KDM5A: variants seen among roughly 807,000 people sequenced by gnomAD.
KDM5A encodes the protein lysine-specific demethylase 5A.
KDM5A carries 42 observed loss-of-function variants against 193.5 expected under a neutral mutation model. That is an observed-to-expected ratio of 0.22 (90% CI 0.17 to 0.28). The LOEUF is 0.28. Ranked by LOEUF, KDM5A falls within the 10% of genes least tolerant of loss-of-function variation. The pLI is 1.00. For missense variants in KDM5A, 1,692 were observed against 2,055.1 expected (o/e 0.82, Z 3.42); for synonymous variants, 796 against 718.1 (o/e 1.11, Z -1.73).
intron 14 of KDM5A, among the ~76,000 whole-genome samples, chr12:325,648 C>T (rs960498609): frequency 1.3e-5 from 2 of 152,064 alleles, no homozygotes; most frequent in Middle Eastern, 3.4e-3. Context: ...CACTCCAACT[C>T]GGGCAACAGA....
intron 20 of KDM5A, among the ~76,000 whole-genome samples, chr12:312,537 A>T (rs981723981): frequency 6.6e-6 from 1 of 152,266 alleles, no homozygotes. Context: ...CAAGGAGTCA[A>T]TAAAAACAAG....
At chr12:342,590 G>A (rs560237163) in intron 10 of KDM5A, among the ~76,000 whole-genome samples, 78 of 152,106 alleles carry the variant, frequency 5.1e-4, no homozygotes, top group African/African-American at 1.6e-3. Flanking sequence ...CTCCAGAGTA[G>A]CTGGGATTAC....
intron 3 of KDM5A, among the ~76,000 whole-genome samples, chr12:383,820 C>T (rs530575149): frequency 6.6e-6 from 1 of 152,000 alleles, no homozygotes; most frequent in South Asian, 2.1e-4. Flanking sequence ...GCGATCTCAG[C>T]TCACCACAAC....
intron 20 of KDM5A, 39 bp from the exon 21 acceptor site, chr12:311,103 T>C: frequency 6.2e-7 from 1 of 1,602,264 alleles, no homozygotes. Context: ...TTGAGTTCTC[T>C]TATGGGGTTT....
chr12:356,385 A>G (rs1268742821), intron 6 of KDM5A, 47 bp downstream of exon 6: 2 of 1,166,512 alleles, frequency 1.7e-6, no homozygotes, highest in Admixed American at 1.7e-5. Context: ...TTTTTTTACA[A>G]TCATATTCTA....
chr12:362,298 A>G (rs1440821341), intron 5 of KDM5A, among the ~76,000 whole-genome samples: 1 of 152,152 alleles, frequency 6.6e-6, no homozygotes, highest in East Asian at 1.9e-4. Flanking sequence ...GAAAAAAAAG[A>G]AAAGAAAGAA....
Position 333,575 on chromosome 12 carries a change from G to A in KDM5A, c.1565C>T (p.Ala522Val), listed in dbSNP as rs746056947. 3 of 1,614,064 alleles carry A rather than the reference G, an allele frequency of 1.9e-6. No individual in the cohort carries two copies. Among genetic ancestry groups the A allele is most frequent in the East Asian group, 4.5e-5 (2 of 44,874 alleles). Reference protein sequence around the residue: ...EQLEEVMRELAPELFESQPDL... With the variant: ...EQLEEVMRELVPELFESQPDL... ...AGGCTGGGATTCAAATAACTCGGGG[G>A]CCAGCTCTCTCATCACCTCCTCCAG... The change falls in exon 12 of 28, where the codon GCC becomes GTC. Residue 522 changes from alanine (A) to valine (V), a missense_variant. Around this residue, in one of 11 missense-constraint regions of KDM5A, gnomAD observed 172 missense variants for 260.3 expected, o/e 0.66. Coordinates refer to ENST00000399788, the MANE Select transcript of KDM5A (RefSeq NM_001042603.3).
At chr12:360,390 G>T (rs553875529) in intron 5 of KDM5A, among the ~76,000 whole-genome samples, 1 of 152,186 alleles carries the variant, frequency 6.6e-6, no homozygotes, top group East Asian at 1.9e-4. Context: ...ACAAAATAAA[G>T]GGAAGAGAAA....
At chr12:329,167 T>C in intron 13 of KDM5A, 138 bp from the exon 14 acceptor site, 1 of 741,914 alleles carries the variant, frequency 1.3e-6, no homozygotes, top group Admixed American at 2.1e-5. Flanking sequence ...GAGGCAATAT[T>C]CTATTAACTG....
At position 384,517 on chromosome 12, in the gene KDM5A, G is replaced by T. The variant is rs181733088; in HGVS notation, c.244-364C>A. Among the ~76,000 whole-genome samples, 3 of 152,270 alleles carry T rather than the reference G, an allele frequency of 2.0e-5. No individual in the cohort carries two copies. In the East Asian group the frequency reaches 5.8e-4, roughly 29 times the overall value. On this transcript the variant is annotated intron_variant, in intron 2 of 27. Transcript: ENST00000399788. Reference sequence around the variant, plus strand: ...GGTGCCAAAAAGGTTTGGGACAGCTGTAATAGAGGTACTCATTTCTCTAAA... The same window carrying T: ...GGTGCCAAAAAGGTTTGGGACAGCTTTAATAGAGGTACTCATTTCTCTAAA...
intron 22 of KDM5A, among the ~76,000 whole-genome samples, chr12:309,518 A>G (rs1943554098): frequency 6.6e-6 from 1 of 152,254 alleles, no homozygotes; most frequent in Admixed American, 6.5e-5. Context: ...GTGAGGACTT[A>G]CTGTACTCAG....
At chr12:329,164 T>C in intron 13 of KDM5A, 135 bp from the exon 14 acceptor site, 2 of 756,892 alleles carry the variant, frequency 2.6e-6, no homozygotes, top group Non-Finnish European at 4.5e-6. Flanking sequence ...AAAGAGGCAA[T>C]ATTCTATTAA....
At chr12:379,418 T>G (rs1944548190) in intron 3 of KDM5A, among the ~76,000 whole-genome samples, 2 of 152,120 alleles carry the variant, frequency 1.3e-5, no homozygotes, top group South Asian at 4.2e-4. Flanking sequence ...CCCACTAGAG[T>G]GCTATAAAAA....
chr12:364,779 C>CAAAAA (rs61342800), intron 4 of KDM5A, among the ~76,000 whole-genome samples: 8 of 111,286 alleles, frequency 7.2e-5, no homozygotes, highest in Admixed American at 1.0e-4. Flanking sequence ...AGTCTCATCT[C>CAAAAA]AAAAAAAAAA....
chr12:293,254 G>T, intron 26 of KDM5A, 85 bp from the exon 27 acceptor site: 1 of 1,150,184 alleles, frequency 8.7e-7, no homozygotes, highest in Non-Finnish European at 1.2e-6. Flanking sequence ...ACCTAGAATA[G>T]ACACATTCGG....
At chr12:304,446 CTT>C (rs67930424) in intron 24 of KDM5A, among the ~76,000 whole-genome samples, 7,158 of 112,476 alleles carry the variant, frequency 0.064, 429 homozygotes, top group East Asian at 0.3. Context: ...AGAGTATAGG[CTT>C]TTTTTTTTTT....
Position 297,099 on chromosome 12 carries a change from T to C in KDM5A, c.4176A>G (p.Thr1392=). 6.2e-7 allele frequency: 1 copy of C among 1,614,090 alleles called. No homozygotes were observed. The highest frequency in any genetic ancestry group is 8.5e-7 in the Non-Finnish European group (1 of 1,180,014). Residue 1392 remains threonine (T), a synonymous_variant, in exon 25 of 28, where the codon ACA becomes ACG. Transcript: ENST00000399788. ...CATGCTCTGCACAAAATGAAGGTGC[T>C]GTCCACATGTGGGTCACCACCTCCT... The part of the protein sequence containing the change: ...KSEEVVTHMW[T]APSFCAEHAY...
chr12:300,384 C>G (rs1275819992), intron 24 of KDM5A, among the ~76,000 whole-genome samples: 2 of 152,186 alleles, frequency 1.3e-5, no homozygotes, highest in African/African-American at 4.8e-5. Flanking sequence ...GAAACTCACT[C>G]AAAACCACAC....
chr12:303,511 C>T (rs1943470429), intron 24 of KDM5A, among the ~76,000 whole-genome samples: 1 of 152,074 alleles, frequency 6.6e-6, no homozygotes, highest in Non-Finnish European at 1.5e-5. Flanking sequence ...AGGGCCTGTC[C>T]AGGGGTGCAG....
Sources: allele counts gnomAD v4.1 joint callset (sites outside exome capture counted in the v4.1 genomes callset), GRCh38; gene constraint gnomAD v4.1.1; regional missense constraint gnomAD v4.1.1; transcripts MANE v1.5; gene names NCBI Gene and HGNC (gene_info 2026-07-23, HGNC 2026-07-21).